PHACTR1: variants seen among roughly 807,000 people sequenced by gnomAD.
PHACTR1 encodes the protein phosphatase and actin regulator 1.
In PHACTR1, 16 loss-of-function variants were observed where a neutral mutation model predicts 69.2. That is an observed-to-expected ratio of 0.23 (90% CI 0.16 to 0.35). The LOEUF is 0.35. Ranked by LOEUF, PHACTR1 falls within the 10% of genes least tolerant of loss-of-function variation. The pLI, the probability that PHACTR1 is intolerant of heterozygous loss-of-function variation, is 1.00. For missense variants in PHACTR1, 510 were observed against 734.7 expected (o/e 0.69, Z 3.54); for synonymous variants, 312 against 284.5 (o/e 1.10, Z -0.97).
At chr6:13,095,749 C>CTTTTTTTTTTTT (rs140109520) in intron 5 of PHACTR1, among the ~76,000 whole-genome samples, 12 of 77,210 alleles carry the variant, frequency 1.6e-4, no homozygotes, top group Non-Finnish European at 2.7e-4. Context: ...TTGTGAAGGG[C>CTTTTTTTTTTTT]TTTTTTTTTT....
In PHACTR1 at chr6:13,287,330, G is replaced by A; in HGVS notation, c.*252G>A. 1.9e-6 allele frequency: 1 copy of A among 532,486 alleles called. No homozygotes were observed. Among genetic ancestry groups the A allele is most frequent in the Admixed American group, 3.4e-5 (1 of 29,198 alleles). The allele number at this position is 532,486 out of a possible 1,614,324, so 33.0% of individuals were successfully genotyped here. On this transcript the variant is annotated 3_prime_UTR_variant, in exon 15 of 15. Coordinates refer to ENST00000332995, the MANE Select transcript of PHACTR1 (RefSeq NM_030948.6). The stretch of plus-strand genomic sequence containing the variant: ...ATCCCAACCCCCGGCAGTGCCAAGG[G>A]CACCAGCAGGGCCCTGACTGAAGAC...
chr6:13,053,252 A>T, intron 4 of PHACTR1, 113 bp from the exon 5 acceptor site: 1 of 1,120,454 alleles, frequency 8.9e-7, no homozygotes, highest in Non-Finnish European at 1.2e-6. Context: ...GAGAAACTCT[A>T]GTCACGTGGT....
rs1436368470 is a variant in PHACTR1 at position 13,064,582 on chromosome 6, ATATATATATATATATATATATATC to A, written c.415+11061_415+11084del. Among the ~76,000 whole-genome samples, 21 of 9,472 alleles carry A rather than the reference ATATATATATATATATATATATATC, an allele frequency of 2.2e-3. 1 individual carries two copies. Among genetic ancestry groups the A allele is most frequent in the Admixed American group, 3.8e-3 (4 of 1,048 alleles). The allele number at this position is 9,472 out of a possible 152,430, so 6.2% of individuals were successfully genotyped here. On this transcript the variant is annotated intron_variant, in intron 5 of 14. Transcript: ENST00000332995. ...TATATATATATATATATATATATAT[ATATATATATATATATATATATATC>A]TATATATCTATCTATCCACACTTGC...
At chr6:12,826,195 T>C (rs529952501) in intron 4 of PHACTR1, among the ~76,000 whole-genome samples, 1 of 152,308 alleles carries the variant, frequency 6.6e-6, no homozygotes, top group East Asian at 1.9e-4. Context: ...ATTCATGTAC[T>C]TACCACTTTT....
chr6:13,134,857 C>A (rs1217135317), intron 5 of PHACTR1, among the ~76,000 whole-genome samples: 2 of 149,210 alleles, frequency 1.3e-5, no homozygotes, highest in African/African-American at 2.5e-5. Context: ...GGGGACTCTA[C>A]GTCCATTTCA....
chr6:12,829,667 A>T (rs1434074758), intron 4 of PHACTR1, among the ~76,000 whole-genome samples: 1 of 151,748 alleles, frequency 6.6e-6, no homozygotes, highest in Admixed American at 6.6e-5. Flanking sequence ...TAATAAAAGA[A>T]AATGAGGCCA....
chr6:13,184,614 C>G (rs1762596082), intron 7 of PHACTR1, among the ~76,000 whole-genome samples: 1 of 152,240 alleles, frequency 6.6e-6, no homozygotes, highest in Admixed American at 6.5e-5. Flanking sequence ...TGCCTCCTCT[C>G]TCTGTCCTCC....
chr6:12,723,584 C>T (rs564466037), intron 3 of PHACTR1, among the ~76,000 whole-genome samples: 20 of 148,990 alleles, frequency 1.3e-4, no homozygotes, highest in Non-Finnish European at 2.5e-4. Flanking sequence ...CAGCCTCAAA[C>T]GCCTGGGCTC....
chr6:13,050,090 T>A lies in PHACTR1; in HGVS notation c.251-3275T>A, dbSNP rs534914988. 5.3e-5 allele frequency among the ~76,000 whole-genome samples: 8 copies of A among 152,366 alleles called. No individual in the cohort carries two copies. The South Asian group carries it at 1.7e-3, about 32-fold the overall frequency. On this transcript the variant is annotated intron_variant, in intron 4 of 14. Transcript: ENST00000332995. ...TTCTCTCCTGGACTCAGCACCTCTT[T>A]GCTGTGGTTTCCCACAATTATTACT...
intron 4 of PHACTR1, among the ~76,000 whole-genome samples, chr6:13,046,031 A>C (rs961309156): frequency 1.3e-5 from 2 of 152,180 alleles, no homozygotes; most frequent in African/African-American, 4.8e-5. Context: ...CCCCATGAGG[A>C]CTACCATTCT....
intron 4 of PHACTR1, among the ~76,000 whole-genome samples, chr6:12,925,409 G>A (rs902773349): frequency 2.0e-5 from 3 of 152,116 alleles, no homozygotes; most frequent in Non-Finnish European, 4.4e-5. Flanking sequence ...TCTTTCATAT[G>A]ACATACACAC....
intron 4 of PHACTR1, among the ~76,000 whole-genome samples, chr6:12,856,556 C>T (rs1582117154): frequency 6.6e-6 from 1 of 152,098 alleles, no homozygotes; most frequent in South Asian, 2.1e-4. Flanking sequence ...GTGCCTGGCC[C>T]AAATTCATCC....
chr6:12,916,719 C>T (rs1787051463), intron 4 of PHACTR1, among the ~76,000 whole-genome samples: 1 of 152,036 alleles, frequency 6.6e-6, no homozygotes, highest in East Asian at 1.9e-4. Flanking sequence ...GTCAGGATAC[C>T]TATCTTGTAG....
chr6:12,762,150 A>G (rs1038925547), intron 4 of PHACTR1, among the ~76,000 whole-genome samples: 8 of 152,226 alleles, frequency 5.3e-5, no homozygotes, highest in Admixed American at 4.6e-4. Flanking sequence ...AAGTTATTCA[A>G]TTGGAATAGA....
intron 11 of PHACTR1, 56 bp from the exon 12 acceptor site, chr6:13,278,212 A>C: frequency 6.6e-7 from 1 of 1,516,414 alleles, no homozygotes; most frequent in Non-Finnish European, 9.0e-7. Flanking sequence ...CAAAGGATGC[A>C]CCTGTACACA....
At chr6:12,910,398 A>G (rs908215933) in intron 4 of PHACTR1, among the ~76,000 whole-genome samples, 7 of 152,354 alleles carry the variant, frequency 4.6e-5, no homozygotes, top group African/African-American at 1.7e-4. Flanking sequence ...TACCAGGCCA[A>G]TGAGAATTGG....
At chr6:13,104,865 T>G (rs1165469973) in intron 5 of PHACTR1, among the ~76,000 whole-genome samples, 2 of 152,224 alleles carry the variant, frequency 1.3e-5, no homozygotes, top group Admixed American at 1.3e-4. Context: ...AATTTCAAAT[T>G]AATATCATTC....
chr6:13,076,879 A>G (rs1810562529), intron 5 of PHACTR1, among the ~76,000 whole-genome samples: 1 of 142,972 alleles, frequency 7.0e-6, no homozygotes. Flanking sequence ...CTGAGAGGTC[A>G]GGGCAGAGGG....
intron 10 of PHACTR1, chr6:13,267,239 A>G (rs1049886510): frequency 1.3e-5 from 2 of 152,256 alleles, no homozygotes; most frequent in South Asian, 2.1e-4. Flanking sequence ...CACTGGCACT[A>G]ATAAGTAACT....
Sources: allele counts gnomAD v4.1 joint callset (sites outside exome capture counted in the v4.1 genomes callset), GRCh38; gene constraint gnomAD v4.1.1; transcripts MANE v1.5; gene names NCBI Gene and HGNC (gene_info 2026-07-23, HGNC 2026-07-21).